Variants in ATE1 observed in about 807,000 individuals in gnomAD.
ATE1 encodes arginyltransferase 1.
A neutral mutation model predicts 70.5 loss-of-function variants in ATE1; 36 were observed. The observed-to-expected ratio is 0.51, with a 90% confidence interval of 0.39 to 0.67. The LOEUF (loss-of-function observed/expected upper bound fraction) is 0.67. ATE1 is among the 30% of genes least tolerant of loss of function. The probability of loss-of-function intolerance (pLI) is 0.00; values close to 1 mark genes in which losing one functional copy is unlikely to be tolerated. For synonymous variants in ATE1, 232 were observed against 219.3 expected (o/e 1.06, Z -0.51); for missense variants, 593 against 629.5 (o/e 0.94, Z 0.62).
intron 8 of ATE1, among the ~76,000 whole-genome samples, chr10:121,859,516 A>C (rs1415867078): frequency 6.6e-6 from 1 of 151,958 alleles, no homozygotes; most frequent in African/African-American, 2.4e-5. Flanking sequence ...TCGGCCTCCC[A>C]AAGTGCTGGG....
intron 8 of ATE1, among the ~76,000 whole-genome samples, chr10:121,856,076 C>CAAA (rs34106606): frequency 1.6e-5 from 2 of 125,800 alleles, no homozygotes; most frequent in Non-Finnish European, 3.4e-5. Flanking sequence ...AACTATATCT[C>CAAA]AAAAAAAAAA....
At chr10:121,748,444 C>T (rs1944451934) in intron 11 of ATE1, among the ~76,000 whole-genome samples, 1 of 150,192 alleles carries the variant, frequency 6.7e-6, no homozygotes, top group South Asian at 2.1e-4. Context: ...ATTGAGATCA[C>T]ATGAAAAAGC....
At chr10:121,837,148 C>A (rs1169384407) in intron 9 of ATE1, among the ~76,000 whole-genome samples, 1 of 152,176 alleles carries the variant, frequency 6.6e-6, no homozygotes, top group Non-Finnish European at 1.5e-5. Context: ...CTCAAAGAAT[C>A]TGGGCTTAAC....
rs568919958 is a variant in ATE1, at chr10:121,857,550, T to C, written c.975+12456A>G. On this transcript the variant is annotated intron_variant, in intron 8 of 11. Coordinates refer to ENST00000224652, the MANE Select transcript of ATE1 (RefSeq NM_001001976.3). ...GCCACTGTGGAAAGCAGTGTAGAGA[T>C]TTCTCAAAGAACTAAAAATAGTATT... 3.9e-5 allele frequency among the ~76,000 whole-genome samples: 6 copies of C among 152,312 alleles called. No individual in the cohort carries two copies. The South Asian group carries it at 1.0e-3, about 26-fold the overall frequency.
chr10:121,864,582 A>G (rs1280517617), intron 8 of ATE1, among the ~76,000 whole-genome samples: 3 of 152,190 alleles, frequency 2.0e-5, no homozygotes, highest in African/African-American at 4.8e-5. Flanking sequence ...CACTTAGACC[A>G]TTTATATTTA....
rs746149738 is a variant in ATE1, at chr10:121,927,992, C to G, written c.-43G>C. 2.8e-6 allele frequency: 4 copies of G among 1,418,656 alleles called. No homozygotes were observed. The highest frequency in any genetic ancestry group is 1.5e-5 in the African/African-American group (1 of 66,538). 87.9% of individuals were successfully genotyped at this position (1,418,656 alleles called of 1,614,324 possible). A position where few individuals can be genotyped will look rare whatever the true frequency, so the allele number is the denominator to read the frequency against. ...CGCTCAGCCGCCCGGCCCCGCGTCGCTAGCGCGGCCGCCGCCGCCACCCCA... is the reference window on the plus strand; with the variant it reads ...CGCTCAGCCGCCCGGCCCCGCGTCGGTAGCGCGGCCGCCGCCGCCACCCCA... On this transcript the variant is annotated 5_prime_UTR_variant, in exon 1 of 12. Transcript: ENST00000224652.
intron 7 of ATE1, among the ~76,000 whole-genome samples, chr10:121,886,525 C>T (rs186840412): frequency 2.8e-4 from 43 of 152,248 alleles, no homozygotes; most frequent in African/African-American, 8.9e-4. Context: ...GTCCAACCTG[C>T]GCCCTAAGCT....
intron 8 of ATE1, among the ~76,000 whole-genome samples, chr10:121,858,670 A>AATATATATTTTATATATATT (rs1301159614): frequency 8.4e-4 from 115 of 136,650 alleles, no homozygotes; most frequent in South Asian, 7.6e-3. Context: ...ATATATATAT[A>AATATATATTTTATATATATT]ATATATATAT....
intron 10 of ATE1, among the ~76,000 whole-genome samples, chr10:121,822,621 T>A (rs1947843315): frequency 6.6e-6 from 1 of 152,188 alleles, no homozygotes; most frequent in African/African-American, 2.4e-5. Flanking sequence ...GAAAGGGAAC[T>A]TCTAAAATTT....
chr10:121,834,631 T>C (rs1236761769), intron 10 of ATE1, among the ~76,000 whole-genome samples: 1 of 151,396 alleles, frequency 6.6e-6, no homozygotes, highest in Non-Finnish European at 1.5e-5. Context: ...TGGACTAGAG[T>C]CAACAAAGGT....
At chr10:121,884,543 T>C (rs933783405) in intron 7 of ATE1, among the ~76,000 whole-genome samples, 8 of 151,892 alleles carry the variant, frequency 5.3e-5, no homozygotes, top group Non-Finnish European at 1.0e-4. Flanking sequence ...TGAGCTATGA[T>C]GACGACACTG....
chr10:121,788,895 A>T (rs978949609), intron 11 of ATE1, among the ~76,000 whole-genome samples: 1 of 152,220 alleles, frequency 6.6e-6, no homozygotes, highest in African/African-American at 2.4e-5. Flanking sequence ...TGTCTTACAA[A>T]GCCACGGCTA....
intron 8 of ATE1, among the ~76,000 whole-genome samples, chr10:121,841,723 A>G (rs1054596842): frequency 2.6e-5 from 4 of 152,148 alleles, no homozygotes; most frequent in Non-Finnish European, 4.4e-5. Context: ...CTATGAGGAC[A>G]CAAAAACATA....
chr10:121,764,462 C>T (rs569922736), intron 11 of ATE1, among the ~76,000 whole-genome samples: 7 of 141,114 alleles, frequency 5.0e-5, no homozygotes, highest in Middle Eastern at 3.6e-3. Flanking sequence ...CATAGCAAGA[C>T]CTTGTCTGTA....
intron 5 of ATE1, among the ~76,000 whole-genome samples, chr10:121,910,030 C>T (rs575666357): frequency 6.6e-6 from 1 of 152,184 alleles, no homozygotes; most frequent in Admixed American, 6.5e-5. Context: ...GGCGGCAGAG[C>T]AAGACCCTGT....
Position 121,914,575 on chromosome 10 carries a change from G to C in ATE1, c.234-682C>G, listed in dbSNP as rs75889966. On this transcript the variant is annotated intron_variant, in intron 3 of 11. Transcript: ENST00000224652. ...TCTTAGGGATTGGTGACACCTCATA[G>C]CTCTGGAAATATGAGTGAAAGTTAG... 7.4e-3 allele frequency among the ~76,000 whole-genome samples: 1,129 copies of C among 151,906 alleles called. 21 individuals are homozygous for C. Among genetic ancestry groups the C allele is most frequent in the African/African-American group, 0.026 (1,083 of 41,442 alleles).
At chr10:121,924,631 C>T (rs554905836) in intron 1 of ATE1, among the ~76,000 whole-genome samples, 1 of 148,026 alleles carries the variant, frequency 6.8e-6, no homozygotes, top group Admixed American at 6.9e-5. Flanking sequence ...ACTCGGGAGG[C>T]GGAGGTTGCA....
rs1303297242 is a variant in ATE1, at chr10:121,790,166, T to C, written c.1378+3A>G. Reference sequence around the variant, plus strand: ...TTCCAGCTGAGCTCAGCTCCAAACATACCTGCTTCTGGGTCCTGGTTGAAA... The same window carrying C: ...TTCCAGCTGAGCTCAGCTCCAAACACACCTGCTTCTGGGTCCTGGTTGAAA... On this transcript the variant is annotated splice_donor_region_variant and intron_variant, in intron 11 of 11. Transcript: ENST00000224652. 4.3e-6 allele frequency: 7 copies of C among 1,613,788 alleles called. No homozygotes were observed. The highest frequency in any genetic ancestry group is 1.7e-5 in the Admixed American group (1 of 60,002).
intron 8 of ATE1, among the ~76,000 whole-genome samples, chr10:121,852,817 A>T (rs936161275): frequency 2.6e-5 from 4 of 152,236 alleles, no homozygotes; most frequent in African/African-American, 9.6e-5. Flanking sequence ...AATAGTCTAC[A>T]GTTAAGAAAT....
Sources: gnomAD v4.1 joint callset for allele counts (sites outside exome capture counted in the v4.1 genomes callset) on GRCh38, gnomAD v4.1.1 for gene constraint, MANE v1.5 for transcripts, NCBI Gene and HGNC (gene_info 2026-07-23, HGNC 2026-07-21) for gene names.